Variants in LARGE1 observed in about 807,000 individuals in gnomAD.
The protein encoded by LARGE1 is xylosyl- and glucuronyltransferase LARGE1.
LARGE1 carries 43 observed loss-of-function variants against 87.6 expected under a neutral mutation model. The observed-to-expected ratio is 0.49, with a 90% CI of 0.38 to 0.63. The LOEUF (loss-of-function observed/expected upper bound fraction) is 0.63, where lower values mean the gene tolerates loss of function less well. Among genes scored for constraint, LARGE1 ranks in the 30% least tolerant of loss-of-function variants. The pLI is 0.00. For missense variants in LARGE1, 802 were observed against 1,000.2 expected (o/e 0.80, Z 2.67); for synonymous variants, 434 against 394.6 (o/e 1.10, Z -1.18).
intron 11 of LARGE1, among the ~76,000 whole-genome samples, chr22:33,261,671 G>A (rs985976869): frequency 7.2e-5 from 11 of 152,134 alleles, no homozygotes; most frequent in African/African-American, 2.4e-4. Flanking sequence ...GTTGAGGAGG[G>A]TGAATTATAC....
Position 33,274,466 on chromosome 22 carries a change from A to G in LARGE1, c.2232T>C (p.Phe744=). 6.2e-7 allele frequency: 1 copy of G among 1,614,246 alleles called. No homozygotes were observed. Among genetic ancestry groups the G allele is most frequent in the Non-Finnish European group, 8.5e-7 (1 of 1,180,044 alleles). ...FQQDMSRRYG[F]AALKYLTAEN... ...CGGCTGTGAGATATTTCAGGGCAGC[A>G]AAGCCGTAGCGGCGGGACATGTCCT... is the stretch of plus-strand genomic sequence containing the variant. The change falls in exon 15 of 15, where the codon TTT becomes TTC. Residue 744 remains phenylalanine (F), a synonymous_variant. Transcript: ENST00000397394.
Position 33,384,192 on chromosome 22 carries a change from C to T in LARGE1, c.1005G>A (p.Gln335=). ...MGMLSTSLAD[Q]DIFNAVIKQN... ...TGCACCTTCGAACCTGGCCACTCACCTGGTCAGCTAAGGATGTAGAGAGCA... is the reference window on the plus strand; with the variant it reads ...TGCACCTTCGAACCTGGCCACTCACTTGGTCAGCTAAGGATGTAGAGAGCA... Residue 335 remains glutamine (Q), a splice_region_variant and synonymous_variant, in exon 8 of 15, where the codon CAG becomes CAA. Transcript: ENST00000397394. 6.2e-7 allele frequency: 1 copy of T among 1,610,638 alleles called. No individual in the cohort carries two copies.
At chr22:33,724,139 G>A (rs2083193663) in intron 2 of LARGE1, 1 of 153,026 alleles carries the variant, frequency 6.5e-6, no homozygotes, top group African/African-American at 2.4e-5. Flanking sequence ...CAGAGCACGA[G>A]TGTGCAAGGA....
chr22:33,901,281 G>A (rs990454548), intron 1 of LARGE1, among the ~76,000 whole-genome samples: 11 of 152,114 alleles, frequency 7.2e-5, no homozygotes, highest in African/African-American at 2.2e-4. Context: ...CTTGGCTTTG[G>A]ACTTCTGGCC....
intron 6 of LARGE1, among the ~76,000 whole-genome samples, chr22:33,559,434 G>A (rs925458258): frequency 7.2e-5 from 11 of 152,218 alleles, no homozygotes; most frequent in Middle Eastern, 3.4e-3. Context: ...CACCCCCCTC[G>A]GCCTCCCAAA....
chr22:33,396,995 A>G (rs2065768815), intron 7 of LARGE1, among the ~76,000 whole-genome samples: 1 of 152,246 alleles, frequency 6.6e-6, no homozygotes, highest in African/African-American at 2.4e-5. Flanking sequence ...ATAACTGTAC[A>G]GCTTGATGAA....
In LARGE1 at chr22:33,650,403, G is replaced by A. The variant is rs142866735; in HGVS notation, c.372C>T (p.Ser124=). 13 of 1,613,930 alleles carry A rather than the reference G, an allele frequency of 8.1e-6. No homozygotes were observed. Among genetic ancestry groups the A allele is most frequent in the Non-Finnish European group, 9.3e-6 (11 of 1,180,044 alleles). Residue 124 remains serine, a synonymous_variant, in exon 3 of 15, where the codon TCC becomes TCT. Transcript: ENST00000397394. ...CCACGACCGGCTGCTGCCCACACTC[G>A]GAGCTGTTGCCTGCCACGATGCCAG... ...LRAGIVAGNS[S]ECGQQPVVEK...
intron 6 of LARGE1, among the ~76,000 whole-genome samples, chr22:33,435,788 G>A (rs2067248418): frequency 6.6e-6 from 1 of 152,158 alleles, no homozygotes; most frequent in Non-Finnish European, 1.5e-5. Context: ...GGGCTGCATT[G>A]CTTTTGATAG....
the LARGE1 span, among the ~76,000 whole-genome samples, chr22:33,149,040 CTTT>C: frequency 1.5e-5 from 2 of 136,908 alleles, no homozygotes; most frequent in African/African-American, 2.7e-5. Flanking sequence ...TTCTTTTTTT[CTTT>C]TTTTTTTTTT....
intron 2 of LARGE1, among the ~76,000 whole-genome samples, chr22:33,676,372 C>CAAAAAAAAAAAAAAAAAA (rs10567981): frequency 6.1e-5 from 1 of 16,304 alleles, no homozygotes; most frequent in African/African-American, 1.5e-4. Flanking sequence ...GATTCAATGG[C>CAAAAAAAAAAAAAAAAAA]AAAAAAAAAA....
intron 6 of LARGE1, among the ~76,000 whole-genome samples, chr22:33,551,741 C>T (rs1372612745): frequency 1.3e-5 from 2 of 152,158 alleles, no homozygotes; most frequent in East Asian, 1.9e-4. Flanking sequence ...GTCCCCTCTA[C>T]GCATCCACAA....
chr22:33,907,260 C>T (rs1408523883), intron 1 of LARGE1, among the ~76,000 whole-genome samples: 11 of 152,142 alleles, frequency 7.2e-5, no homozygotes, highest in Admixed American at 7.2e-4. Context: ...AAGGGCAGTG[C>T]CATAAAAACC....
chr22:33,339,923 C>A (rs966879009), intron 9 of LARGE1, among the ~76,000 whole-genome samples: 2 of 152,176 alleles, frequency 1.3e-5, no homozygotes, highest in Non-Finnish European at 2.9e-5. Context: ...ACCTTGGCCT[C>A]CCAAAGTTCT....
the LARGE1 span, among the ~76,000 whole-genome samples, chr22:33,084,332 T>C: frequency 2.6e-5 from 4 of 152,136 alleles, no homozygotes; most frequent in South Asian, 2.1e-4. Flanking sequence ...CTAGGTCTTA[T>C]TGATGTCTAT....
the LARGE1 span, among the ~76,000 whole-genome samples, chr22:33,120,899 T>A: frequency 6.6e-6 from 1 of 151,992 alleles, no homozygotes; most frequent in Non-Finnish European, 1.5e-5. Context: ...CAGGGGCTCA[T>A]CTTTGAGGTC....
At chr22:33,816,108 G>C (rs2086639675) in intron 1 of LARGE1, among the ~76,000 whole-genome samples, 1 of 152,178 alleles carries the variant, frequency 6.6e-6, no homozygotes, top group Admixed American at 6.5e-5. Flanking sequence ...AGGTCTAAGA[G>C]TGATGGGAAC....
intron 6 of LARGE1, among the ~76,000 whole-genome samples, chr22:33,473,443 G>C (rs371814289): frequency 3.3e-5 from 5 of 152,032 alleles, no homozygotes; most frequent in African/African-American, 1.2e-4. Flanking sequence ...TCTGCCTCCC[G>C]GGTTCAAGTG....
intron 6 of LARGE1, among the ~76,000 whole-genome samples, chr22:33,436,838 C>A (rs1165096661): frequency 6.6e-6 from 1 of 152,138 alleles, no homozygotes; most frequent in African/African-American, 2.4e-5. Flanking sequence ...TCTAGTACTT[C>A]TTGGGATAGC....
chr22:33,501,547 C>T (rs965279346), intron 6 of LARGE1, among the ~76,000 whole-genome samples: 2 of 152,134 alleles, frequency 1.3e-5, no homozygotes, highest in South Asian at 2.1e-4. Flanking sequence ...TGGCAGCCCT[C>T]GATTCTGATC....
Sources: allele counts gnomAD v4.1 joint callset (sites outside exome capture counted in the v4.1 genomes callset), GRCh38; gene constraint gnomAD v4.1.1; transcripts MANE v1.5; gene names NCBI Gene and HGNC (gene_info 2026-07-23, HGNC 2026-07-21).